The following HIBADH variants were observed in gnomAD, a reference collection of about 807,000 sequenced individuals.
HIBADH encodes the protein 3-hydroxyisobutyrate dehydrogenase.
HIBADH carries 25 observed loss-of-function variants against 36.1 expected under a neutral mutation model. The ratio of observed to expected loss-of-function variants is 0.69; its 90% CI spans 0.50 to 0.97. HIBADH has a LOEUF of 0.97. Ranked by LOEUF, HIBADH falls within the 50% of genes least tolerant of loss-of-function variation. HIBADH has a pLI of 0.00. For missense variants in HIBADH, 421 were observed against 418.0 expected (o/e 1.01, Z -0.06); for synonymous variants, 160 against 149.5 (o/e 1.07, Z -0.51).
intron 6 of HIBADH, 103 bp from the exon 7 acceptor site, chr7:27,531,451 T>A: frequency 1.9e-6 from 2 of 1,026,254 alleles, no homozygotes; most frequent in Non-Finnish European, 2.7e-6. Context: ...CCATTTATTA[T>A]ATGTCTTCTA....
chr7:27,564,515 C>A (rs1784515942), intron 4 of HIBADH, among the ~76,000 whole-genome samples: 1 of 152,218 alleles, frequency 6.6e-6, no homozygotes, highest in African/African-American at 2.4e-5. Context: ...TTCTGTTTCA[C>A]TGATCTCTAT....
chr7:27,566,174 A>G (rs1784545648), intron 4 of HIBADH, among the ~76,000 whole-genome samples: 1 of 152,144 alleles, frequency 6.6e-6, no homozygotes, highest in African/African-American at 2.4e-5. Context: ...GTCTCAAAAA[A>G]TGAGTTGGGA....
chr7:27,623,694 G>T (rs1317986512), intron 4 of HIBADH, among the ~76,000 whole-genome samples: 3 of 152,076 alleles, frequency 2.0e-5, no homozygotes, highest in African/African-American at 7.2e-5. Flanking sequence ...ATTTAACAAG[G>T]TGAAAGATCT....
rs1221469031 is a variant in HIBADH, at chr7:27,526,303, G to A, written c.922C>T (p.Gln308Ter). The A allele has an allele frequency of 1.9e-6, 3 of 1,613,570 alleles. No individual in the cohort carries two copies. Among genetic ancestry groups the A allele is most frequent in the Non-Finnish European group, 1.7e-6 (2 of 1,179,830 alleles). Residue 308 changes from glutamine to a stop codon, truncating the protein, a stop_gained, in exon 8 of 8, where the codon CAG becomes TAG. Transcript: ENST00000265395. LOFTEE classifies it high-confidence loss of function. ...TTTGCACACATCATCCTGTAGATCT[G>A]ATGGGCCAGACTGCCAAGAAGGATT... ...SPILLGSLAHQIYRMMCAKGY... is the reference protein window; with the variant it reads ...SPILLGSLAH
At chr7:27,641,203 TG>T (rs1283922632) in intron 2 of HIBADH, among the ~76,000 whole-genome samples, 1 of 58,694 alleles carries the variant, frequency 1.7e-5, no homozygotes. Context: ...TCTCAGTTTT[TG>T]CTTTCAAAAA....
At chr7:27,599,737 A>C (rs1785094509) in intron 4 of HIBADH, among the ~76,000 whole-genome samples, 1 of 151,694 alleles carries the variant, frequency 6.6e-6, no homozygotes, top group African/African-American at 2.4e-5. Flanking sequence ...AAAGTAAAAT[A>C]ATACAAATAA....
Position 27,545,444 on chromosome 7 carries a change from A to G in HIBADH, c.485-2344T>C, listed in dbSNP as rs1176936816. Among the ~76,000 whole-genome samples, 8 of 152,162 alleles carry G rather than the reference A, an allele frequency of 5.3e-5. No individual in the cohort carries two copies. In the East Asian group the frequency reaches 1.2e-3, roughly 22 times the overall value. ...CAGAGCAAGACCCTGTCTCAAAAAC[A>G]AAACAAAAAGACTGAAATTATCCTG... On this transcript the variant is annotated intron_variant, in intron 4 of 7. Transcript: ENST00000265395.
At chr7:27,583,179 T>C (rs899366243) in intron 4 of HIBADH, among the ~76,000 whole-genome samples, 2 of 152,096 alleles carry the variant, frequency 1.3e-5, no homozygotes. Flanking sequence ...TATTTTGACT[T>C]CAAGGGAAGC....
rs111231809 is a variant in HIBADH, at chr7:27,605,033, T to C, written c.484+24338A>G. On this transcript the variant is annotated intron_variant, in intron 4 of 7. Coordinates refer to ENST00000265395, the MANE Select transcript of HIBADH (RefSeq NM_152740.4). ...CATTTTTTAAAAGAATAAAAATCAA[T>C]AGAATATACACTGAGCTTTATTTAT... is the stretch of plus-strand genomic sequence containing the variant. Among the ~76,000 whole-genome samples, 16 of 152,236 alleles carry C rather than the reference T, an allele frequency of 1.1e-4. 1 individual carries two copies. The highest frequency in any genetic ancestry group is 3.4e-4 in the African/African-American group (14 of 41,576).
intron 4 of HIBADH, among the ~76,000 whole-genome samples, chr7:27,579,528 T>C (rs1784760112): frequency 6.6e-6 from 1 of 152,208 alleles, no homozygotes; most frequent in Non-Finnish European, 1.5e-5. Flanking sequence ...TATCTTTTGA[T>C]TTACAAAAAC....
At chr7:27,556,342 A>G (rs1444254323) in intron 4 of HIBADH, among the ~76,000 whole-genome samples, 2 of 151,590 alleles carry the variant, frequency 1.3e-5, no homozygotes, top group African/African-American at 4.9e-5. Flanking sequence ...TTTTATGTCT[A>G]CTCTGTTATA....
chr7:27,561,714 G>A (rs1378822754), intron 4 of HIBADH, among the ~76,000 whole-genome samples: 2 of 152,106 alleles, frequency 1.3e-5, no homozygotes, highest in African/African-American at 2.4e-5. Flanking sequence ...AGGTCCCACT[G>A]TGACAGTAGA....
intron 1 of HIBADH, among the ~76,000 whole-genome samples, chr7:27,655,065 TTATCA>T (rs1281457868): frequency 3.9e-5 from 6 of 152,310 alleles, no homozygotes; most frequent in East Asian, 3.9e-4. Flanking sequence ...TATGTACAAC[TTATCA>T]TATATCACTA....
At chr7:27,527,470 A>T (rs1562609633) in intron 7 of HIBADH, among the ~76,000 whole-genome samples, 1 of 152,244 alleles carries the variant, frequency 6.6e-6, no homozygotes, top group Non-Finnish European at 1.5e-5. Flanking sequence ...TTCAAGAAGC[A>T]GAATGAACAA....
intron 4 of HIBADH, among the ~76,000 whole-genome samples, chr7:27,599,984 G>A (rs1456046275): frequency 6.6e-6 from 1 of 152,074 alleles, no homozygotes; most frequent in African/African-American, 2.4e-5. Flanking sequence ...ATGGGATATG[G>A]AAGAAGTAAC....
chr7:27,530,482 A>G (rs1783976151), intron 7 of HIBADH, among the ~76,000 whole-genome samples: 3 of 152,146 alleles, frequency 2.0e-5, no homozygotes, highest in Admixed American at 6.6e-5. Context: ...GCTGGGATTA[A>G]AGGCATGAGC....
At chr7:27,595,804 T>C (rs919176596) in intron 4 of HIBADH, among the ~76,000 whole-genome samples, 3 of 151,970 alleles carry the variant, frequency 2.0e-5, no homozygotes, top group Admixed American at 2.0e-4. Flanking sequence ...TCTAATAAAA[T>C]TACGCATAAA....
chr7:27,561,596 T>C (rs1456836676), intron 4 of HIBADH, among the ~76,000 whole-genome samples: 2 of 152,240 alleles, frequency 1.3e-5, no homozygotes, highest in South Asian at 2.1e-4. Flanking sequence ...ATTTCTTCAA[T>C]TGCTGGATAT....
At chr7:27,634,708 C>T (rs1419813237) in intron 2 of HIBADH, among the ~76,000 whole-genome samples, 2 of 152,172 alleles carry the variant, frequency 1.3e-5, no homozygotes, top group Non-Finnish European at 2.9e-5. Context: ...GAGTTCTCTC[C>T]CACTGAAAGA....
Sources: gnomAD v4.1 joint callset for allele counts (sites outside exome capture counted in the v4.1 genomes callset) on GRCh38, gnomAD v4.1.1 for gene constraint, MANE v1.5 for transcripts, NCBI Gene and HGNC (gene_info 2026-07-23, HGNC 2026-07-21) for gene names.